The following ARHGAP20 variants were observed in gnomAD, a reference collection of about 807,000 sequenced individuals.
ARHGAP20 encodes Rho GTPase activating protein 20, also known as rho GTPase-activating protein 20.
Under a neutral mutation model 73.7 loss-of-function variants are expected in ARHGAP20, and 34 were observed. The ratio of observed to expected loss-of-function variants is 0.46; its 90% CI spans 0.35 to 0.61. The LOEUF is 0.61. Among genes scored for constraint, ARHGAP20 ranks in the 20% least tolerant of loss-of-function variants. The pLI, the probability that ARHGAP20 is intolerant of heterozygous loss-of-function variation, is 0.00. For synonymous variants in ARHGAP20, 523 were observed against 518.2 expected (o/e 1.01, Z -0.13); for missense variants, 1,314 against 1,420.9 (o/e 0.92, Z 1.21).
intron 2 of ARHGAP20, among the ~76,000 whole-genome samples, chr11:110,671,508 G>A (rs1230216079): frequency 3.3e-5 from 5 of 152,006 alleles, no homozygotes; most frequent in African/African-American, 1.2e-4. Flanking sequence ...ACTGAGGCAA[G>A]CGAAGGAAAT....
intron 2 of ARHGAP20, among the ~76,000 whole-genome samples, chr11:110,641,906 T>C (rs1449705): frequency 0.29 from 44,482 of 151,626 alleles, 6,988 homozygotes; most frequent in African/African-American, 0.43. Flanking sequence ...TGAATTCAAG[T>C]TACTCAGAGA....
At chr11:110,581,708 C>T (rs915079110) in intron 14 of ARHGAP20, among the ~76,000 whole-genome samples, 1 of 152,054 alleles carries the variant, frequency 6.6e-6, no homozygotes, top group Non-Finnish European at 1.5e-5. Context: ...TTATTTTCAT[C>T]CACATTTTAG....
Position 110,615,535 on chromosome 11 carries a change from T to A in ARHGAP20, c.545+18A>T. 2 of 1,603,316 alleles carry A rather than the reference T, an allele frequency of 1.2e-6. No individual in the cohort carries two copies. Among genetic ancestry groups the A allele is most frequent in the Non-Finnish European group, 1.7e-6 (2 of 1,174,174 alleles). ...TATTAAAGGTTAAAGATTAAAAATA[T>A]GAATACTGAAAAAATACCTCTGAAG... On this transcript the variant is annotated intron_variant, in intron 5 of 14. Coordinates refer to ENST00000683387, the MANE Select transcript of ARHGAP20 (RefSeq NM_001384657.1).
intron 9 of ARHGAP20, among the ~76,000 whole-genome samples, chr11:110,595,991 A>G (rs1591303747): frequency 6.6e-6 from 1 of 152,118 alleles, no homozygotes; most frequent in African/African-American, 2.4e-5. Flanking sequence ...ATAATGCCAC[A>G]TGTCTACAAC....
chr11:110,683,573 G>C (rs765649994), intron 2 of ARHGAP20, among the ~76,000 whole-genome samples: 11 of 152,126 alleles, frequency 7.2e-5, no homozygotes, highest in Non-Finnish European at 1.6e-4. Flanking sequence ...TAATAAATGT[G>C]TGCTAGGACA....
intron 12 of ARHGAP20, among the ~76,000 whole-genome samples, chr11:110,584,605 T>A (rs774178594): frequency 1.3e-4 from 20 of 152,006 alleles, no homozygotes; most frequent in Non-Finnish European, 2.1e-4. Context: ...CAATGGAAAA[T>A]AAGGCATCTA....
chr11:110,588,354 T>A (rs1947728336), intron 11 of ARHGAP20, among the ~76,000 whole-genome samples: 1 of 152,200 alleles, frequency 6.6e-6, no homozygotes, highest in African/African-American at 2.4e-5. Context: ...TGGATCAAAG[T>A]TATAGTGTCT....
chr11:110,609,178 T>C (rs1255961382), intron 7 of ARHGAP20, 128 bp from the exon 8 acceptor site: 4 of 730,074 alleles, frequency 5.5e-6, no homozygotes, highest in Non-Finnish European at 9.4e-6. Flanking sequence ...TAGAGATCCA[T>C]GAACTGCAGT....
At chr11:110,584,137 TC>T (rs1281025854) in intron 12 of ARHGAP20, among the ~76,000 whole-genome samples, 1 of 152,190 alleles carries the variant, frequency 6.6e-6, no homozygotes, top group Non-Finnish European at 1.5e-5. Flanking sequence ...TATAAAATGC[TC>T]ATTTAAGTAG....
chr11:110,639,118 A>G (rs1352364522), intron 2 of ARHGAP20, among the ~76,000 whole-genome samples: 1 of 152,100 alleles, frequency 6.6e-6, no homozygotes, highest in Non-Finnish European at 1.5e-5. Context: ...ACTGTGCTAT[A>G]TTAACATATG....
chr11:110,620,351 A>G (rs549510511), intron 4 of ARHGAP20, among the ~76,000 whole-genome samples: 2 of 152,170 alleles, frequency 1.3e-5, no homozygotes, highest in East Asian at 1.9e-4. Context: ...GAATCTTGCT[A>G]TATTGACCAG....
rs1947415287 is a variant in ARHGAP20 at position 110,580,273 on chromosome 11, CA to C, written c.2672del (p.Leu891CysfsTer13). The C allele has an allele frequency of 6.2e-7, 1 of 1,614,102 alleles. No individual in the cohort carries two copies. Among genetic ancestry groups the C allele is most frequent in the African/African-American group, 1.3e-5 (1 of 74,928 alleles). On this transcript the variant is annotated frameshift_variant, in exon 15 of 15. Coordinates refer to ENST00000683387, the MANE Select transcript of ARHGAP20 (RefSeq NM_001384657.1). LOFTEE classifies it low-confidence loss of function (END_TRUNC). The part of the protein sequence containing the change: ...EEDYLKRHKS[L>X]QMEGQKLINQ... ...TAATGAGCTTCTGCCCCTCCATTTG[CA>C]AAGACTTATGCCGTTTGAGATAATC... is the stretch of plus-strand genomic sequence containing the variant.
intron 2 of ARHGAP20, among the ~76,000 whole-genome samples, chr11:110,638,379 G>C (rs1949012675): frequency 6.6e-6 from 1 of 151,834 alleles, no homozygotes; most frequent in African/African-American, 2.4e-5. Context: ...AAATACTTCT[G>C]GTCCCTAGCA....
intron 4 of ARHGAP20, among the ~76,000 whole-genome samples, chr11:110,618,745 T>C (rs1393087370): frequency 7.3e-6 from 1 of 136,472 alleles, no homozygotes; most frequent in Non-Finnish European, 1.6e-5. Flanking sequence ...TGATAGAGTA[T>C]ATGCAGTGAT....
chr11:110,592,418 A>AT (rs1947852260), intron 9 of ARHGAP20, among the ~76,000 whole-genome samples: 1 of 152,176 alleles, frequency 6.6e-6, no homozygotes. Flanking sequence ...GTTTACTTGA[A>AT]TTTTGGCACT....
At chr11:110,648,238 TAAATATATATATGTAAATATATATATG>T (rs1565457609) in intron 2 of ARHGAP20, among the ~76,000 whole-genome samples, 13 of 80,992 alleles carry the variant, frequency 1.6e-4, no homozygotes, top group African/African-American at 7.7e-4. Context: ...TATATATATG[TAAATATATATATGTAAATATATATATG>T]TAAATATATA....
chr11:110,711,652 G>A, intron 1 of ARHGAP20: 3 of 1,471,292 alleles, frequency 2.0e-6, no homozygotes, highest in Non-Finnish European at 2.7e-6. Context: ...CAGCCCCGCT[G>A]CCTACCTTCT....
intron 11 of ARHGAP20, among the ~76,000 whole-genome samples, chr11:110,586,570 T>G (rs1191795612): frequency 1.3e-5 from 2 of 152,132 alleles, no homozygotes; most frequent in African/African-American, 4.8e-5. Flanking sequence ...GACAACTCAT[T>G]TGGCTGAAAC....
At chr11:110,708,819 C>A (rs997393071) in intron 1 of ARHGAP20, among the ~76,000 whole-genome samples, 1 of 151,964 alleles carries the variant, frequency 6.6e-6, no homozygotes. Context: ...TTTTCACAAG[C>A]GTATATATAT....
Sources: allele counts gnomAD v4.1 joint callset (sites outside exome capture counted in the v4.1 genomes callset), GRCh38; gene constraint gnomAD v4.1.1; transcripts MANE v1.5; gene names NCBI Gene and HGNC (gene_info 2026-07-23, HGNC 2026-07-21).